The following BRWD1 variants were observed in gnomAD, a reference collection of about 807,000 sequenced individuals.
The protein encoded by BRWD1 is bromodomain and WD repeat-containing protein 1.
Under a neutral mutation model 251.2 loss-of-function variants are expected in BRWD1, and 82 were observed. The observed-to-expected ratio is 0.33, with a 90% confidence interval of 0.27 to 0.39. The LOEUF (loss-of-function observed/expected upper bound fraction) is 0.39, where lower values mean the gene tolerates loss of function less well. BRWD1 is among the 10% of genes least tolerant of loss of function. The pLI is 1.00. For synonymous variants in BRWD1, 918 were observed against 902.8 expected (o/e 1.02, Z -0.30); for missense variants, 2,233 against 2,711.6 (o/e 0.82, Z 3.92).
At position 39,218,161 on chromosome 21, in the gene BRWD1, C is replaced by T. The variant is rs1195115542; in HGVS notation, c.3650G>A (p.Arg1217Gln). 6.2e-7 allele frequency: 1 copy of T among 1,603,900 alleles called. No individual in the cohort carries two copies. ...LYTIRMRLVN[R>Q]FYRRLSALVW... is the part of the protein sequence containing the mutation. ...GCAGGTTTCTACTAACCTGTAAAAT[C>T]GATTAACAAGTCTCATTCGAATTGT... The change falls in exon 31 of 41, where the codon CGA (arginine) becomes CAA (glutamine). Residue 1217 changes from arginine to glutamine, a missense_variant. Arg to Gln is a conservative substitution (Grantham distance 43). Transcript: ENST00000342449.
In BRWD1 at chr21:39,311,555, G is replaced by A. The variant is rs76867675; in HGVS notation, c.198+1286C>T. Among the ~76,000 whole-genome samples the A allele has an allele frequency of 9.2e-4, 140 of 152,300 alleles. No homozygotes were observed. In the East Asian group the frequency reaches 0.022, roughly 24 times the overall value. ...TAGCACGACAACAGCGTCATAACCA[G>A]TAATGCTTTTCCGCTTCACCGATAA... On this transcript the variant is annotated intron_variant, in intron 4 of 40. Transcript: ENST00000342449.
chr21:39,203,767 T>C lies in BRWD1; in HGVS notation c.4365-1222A>G, dbSNP rs181527259. 4.5e-3 allele frequency among the ~76,000 whole-genome samples: 681 copies of C among 150,760 alleles called. 3 individuals carry two copies. The highest frequency in any genetic ancestry group is 6.5e-3 in the Non-Finnish European group (437 of 67,734). On this transcript the variant is annotated intron_variant, in intron 37 of 40. Transcript: ENST00000342449. ...TTAAGTGGTATCTAGACATTGAAGC[T>C]TAAAGTTAATCACAATTCTTTAAAG... is the stretch of plus-strand genomic sequence containing the variant.
In BRWD1 at chr21:39,188,317, T is replaced by G; in HGVS notation, c.*7942A>C. The G allele has an allele frequency of 3.0e-6, 3 of 985,366 alleles. No individual in the cohort carries two copies. Among genetic ancestry groups the G allele is most frequent in the Non-Finnish European group, 3.6e-6 (3 of 829,902 alleles). The allele number at this position is 985,366 out of a possible 1,614,324, so 61.0% of individuals were successfully genotyped here. A position where few individuals can be genotyped will look rare whatever the true frequency, so the allele number is the denominator to read the frequency against. On this transcript the variant is annotated 3_prime_UTR_variant, in exon 41 of 41. Coordinates refer to ENST00000342449, the MANE Select transcript of BRWD1 (RefSeq NM_033656.4). ...GATGGCAGTTTGTTTTGTAGGACCC[T>G]GCCTGAAGTTTCCAGACATTTAGCA...
upstream of BRWD1, among the ~76,000 whole-genome samples, chr21:39,316,347 T>G (rs2036698336): frequency 6.6e-6 from 1 of 152,182 alleles, no homozygotes; most frequent in African/African-American, 2.4e-5. Context: ...GCTAGATTGT[T>G]AAGATGAGTA....
intron 37 of BRWD1, among the ~76,000 whole-genome samples, chr21:39,204,469 G>C (rs939658924): frequency 1.3e-5 from 2 of 152,050 alleles, no homozygotes; most frequent in African/African-American, 4.8e-5. Context: ...AAAGAATATA[G>C]AATGTAAATT....
chr21:39,272,155 C>T (rs2146677954), intron 13 of BRWD1, among the ~76,000 whole-genome samples: 1 of 151,368 alleles, frequency 6.6e-6, no homozygotes, highest in Admixed American at 6.6e-5. Flanking sequence ...AAAATGGAGG[C>T]CGGGCGCGGT....
chr21:39,199,219 A>G lies in BRWD1; in HGVS notation c.5197T>C (p.Trp1733Arg), dbSNP rs777092446. 69 of 1,614,010 alleles carry G rather than the reference A, an allele frequency of 4.3e-5. No individual in the cohort carries two copies. Among genetic ancestry groups the G allele is most frequent in the Non-Finnish European group, 5.7e-5 (67 of 1,180,028 alleles). Residue 1733 changes from tryptophan (W) to arginine (R), a missense_variant, in exon 40 of 41, where the codon TGG (tryptophan) becomes CGG (arginine). Coordinates refer to ENST00000342449, the MANE Select transcript of BRWD1 (RefSeq NM_033656.4). ...TGGGACTTGTAACCATTAGCATGCC[A>G]ATTTTTCCGGGCTACCCGCAAATCA... ...ESDLRVARKN[W>R]HANGYKSHTP...
rs1364501764 is a variant in BRWD1, at chr21:39,191,576, G to A, written c.*4683C>T. The A allele has an allele frequency of 1.0e-6, 1 of 984,400 alleles. No homozygotes were observed. The highest frequency in any genetic ancestry group is 1.8e-5 in the African/African-American group (1 of 57,088). The allele number at this position is 984,400 out of a possible 1,614,324, so 61.0% of individuals were successfully genotyped here. ...ACAGGCTCATGTAATTTTTTGATTG[G>A]GATTTTGTAGGTGAATATATAGTTG... On this transcript the variant is annotated 3_prime_UTR_variant, in exon 41 of 41. Coordinates refer to ENST00000342449, the MANE Select transcript of BRWD1 (RefSeq NM_033656.4).
At chr21:39,315,204 A>G (rs922248974), upstream of BRWD1, among the ~76,000 whole-genome samples, 2 of 151,856 alleles carry the variant, frequency 1.3e-5, no homozygotes, top group African/African-American at 2.4e-5. Flanking sequence ...GGGTTTCACC[A>G]TGTTGGCCAG....
At position 39,194,017 on chromosome 21, in the gene BRWD1, A is replaced by G; in HGVS notation, c.*2242T>C. ...CATTGTCGGCTATGCTTTTAAAGAC[A>G]TCAGGTCCATTCTTGCTGCTTCTGA... On this transcript the variant is annotated 3_prime_UTR_variant, in exon 41 of 41. Transcript: ENST00000342449. 1 of 985,556 alleles carries G rather than the reference A, an allele frequency of 1.0e-6. No individual in the cohort carries two copies. The highest frequency in any genetic ancestry group is 1.1e-4 in the East Asian group (1 of 8,816). 61.1% of individuals were successfully genotyped at this position (985,556 alleles called of 1,614,324 possible).
rs529405654 is a variant in BRWD1 at position 39,235,761 on chromosome 21, T to C, written c.2766+834A>G. ...TACTTTTCGATCTATGACAGTCACA[T>C]GAGCACCCAGCAGGGCAGCCACTAT... On this transcript the variant is annotated intron_variant, in intron 23 of 40. Transcript: ENST00000342449. The C allele has an allele frequency of 1.7e-4, 31 of 180,100 alleles. No individual in the cohort carries two copies. In the East Asian group the frequency reaches 4.9e-3, roughly 28 times the overall value. The allele number at this position is 180,100 out of a possible 1,614,324, so 11.2% of individuals were successfully genotyped here. A position where few individuals can be genotyped will look rare whatever the true frequency, so the allele number is the denominator to read the frequency against.
At chr21:39,270,133 T>A in intron 14 of BRWD1, 100 bp from the exon 15 acceptor site, 1 of 1,226,944 alleles carries the variant, frequency 8.2e-7, no homozygotes, top group East Asian at 2.8e-5. Flanking sequence ...AGAAATGTAT[T>A]CGACAATAAT....
intron 23 of BRWD1, chr21:39,235,297 CTTTGT>C (rs2146562753): frequency 6.6e-6 from 1 of 152,240 alleles, no homozygotes; most frequent in East Asian, 1.9e-4. Context: ...TAAAGCACTG[CTTTGT>C]TTTAAAACTG....
intron 8 of BRWD1, among the ~76,000 whole-genome samples, chr21:39,292,355 A>G (rs1322551264): frequency 1.3e-5 from 2 of 152,202 alleles, no homozygotes; most frequent in Non-Finnish European, 2.9e-5. Context: ...ACCGTGCACT[A>G]GTAAGAGTAA....
At chr21:39,230,161 A>G (rs78062062) in intron 25 of BRWD1, among the ~76,000 whole-genome samples, 2,356 of 152,318 alleles carry the variant, frequency 0.015, 57 homozygotes, top group African/African-American at 0.054. Flanking sequence ...TCAGTAAGTA[A>G]TATTTGTTGA....
At position 39,195,947 on chromosome 21, in the gene BRWD1, T is replaced by C. The variant is rs1005620351; in HGVS notation, c.*312A>G. 8.8e-5 allele frequency: 92 copies of C among 1,040,880 alleles called. No individual in the cohort carries two copies. Among genetic ancestry groups the C allele is most frequent in the Non-Finnish European group, 9.8e-5 (85 of 867,168 alleles). The allele number at this position is 1,040,880 out of a possible 1,614,324, so 64.5% of individuals were successfully genotyped here. A position where few individuals can be genotyped will look rare whatever the true frequency, so the allele number is the denominator to read the frequency against. On this transcript the variant is annotated 3_prime_UTR_variant, in exon 41 of 41. Transcript: ENST00000342449. Reference sequence around the variant, plus strand: ...ATGACACTTGCTGCCATGAAAGTAATGCTCATTGGTTTTGATAACCAGGAT... The same window carrying C: ...ATGACACTTGCTGCCATGAAAGTAACGCTCATTGGTTTTGATAACCAGGAT...
At chr21:39,313,015 T>C (rs1283576220) in intron 3 of BRWD1, 57 bp downstream of exon 3, 38 of 1,193,576 alleles carry the variant, frequency 3.2e-5, no homozygotes, top group Non-Finnish European at 3.8e-5. Flanking sequence ...CGAGCATCCC[T>C]CAGGGCAAGG....
chr21:39,314,212 G>T (rs1459172579), upstream of BRWD1: 9 of 455,684 alleles, frequency 2.0e-5, no homozygotes, highest in Admixed American at 1.4e-4. Context: ...ACGCCGCCCG[G>T]ACCCGCGCTC....
At chr21:39,300,154 C>T (rs1251043761) in intron 4 of BRWD1, among the ~76,000 whole-genome samples, 2 of 152,128 alleles carry the variant, frequency 1.3e-5, no homozygotes, top group African/African-American at 4.8e-5. Context: ...GCCTCAGTTA[C>T]AGTGAGTCTG....
Sources: gnomAD v4.1 joint callset for allele counts (sites outside exome capture counted in the v4.1 genomes callset) on GRCh38, gnomAD v4.1.1 for gene constraint, MANE v1.5 for transcripts, NCBI Gene and HGNC (gene_info 2026-07-23, HGNC 2026-07-21) for gene names.